BPIFC: variants seen among roughly 807,000 people sequenced by gnomAD.
BPIFC encodes BPI fold containing family C.
BPIFC carries 60 observed loss-of-function variants against 57.6 expected under a neutral mutation model. The observed-to-expected ratio is 1.04, with a 90% CI of 0.85 to 1.29. The LOEUF (loss-of-function observed/expected upper bound fraction) is 1.29. Among genes scored for constraint, BPIFC ranks in the 50% most tolerant of loss-of-function variants. BPIFC has a pLI of 0.00. For synonymous variants in BPIFC, 243 were observed against 224.5 expected (o/e 1.08, Z -0.74); for missense variants, 581 against 600.5 (o/e 0.97, Z 0.34).
chr22:32,415,261 A>T (rs1036494399), intron 16 of BPIFC, among the ~76,000 whole-genome samples: 1 of 152,176 alleles, frequency 6.6e-6, no homozygotes, highest in Admixed American at 6.5e-5. Context: ...CCAGCTGTGC[A>T]ACCAGGTTCC....
chr22:32,432,418 G>A lies in BPIFC; in HGVS notation c.1104C>T (p.Thr368=), dbSNP rs764640606. ...LDIPASIMML[T]QPKNSTVETI... is the part of the protein sequence containing the mutation. ...TTTCAACTGTGGAGTTCTTGGGTTG[G>A]GTGAGCATCATGATGGAGGCAGGGA... is the stretch of plus-strand genomic sequence containing the variant. The change falls in exon 12 of 17, where the codon ACC becomes ACT. Residue 368 remains threonine, a synonymous_variant. Coordinates refer to ENST00000300399, the MANE Select transcript of BPIFC (RefSeq NM_174932.3). The A allele has an allele frequency of 6.2e-7, 1 of 1,614,090 alleles. No individual in the cohort carries two copies. Among genetic ancestry groups the A allele is most frequent in the South Asian group, 1.1e-5 (1 of 91,074 alleles).
At chr22:32,415,192 T>C (rs1337449288) in intron 16 of BPIFC, among the ~76,000 whole-genome samples, 4 of 152,184 alleles carry the variant, frequency 2.6e-5, no homozygotes, top group Non-Finnish European at 5.9e-5. Context: ...CTAATGTTGC[T>C]GCTGATCTGG....
chr22:32,432,692 A>C (rs1420651447), intron 11 of BPIFC, 149 bp from the exon 12 acceptor site: 7 of 752,466 alleles, frequency 9.3e-6, no homozygotes, highest in Non-Finnish European at 1.3e-5. Context: ...TTACACACAA[A>C]AATCAAACGA....
Position 32,432,355 on chromosome 22 carries a change from C to T in BPIFC, c.1149+18G>A. 1 of 1,613,268 alleles carries T rather than the reference C, an allele frequency of 6.2e-7. No homozygotes were observed. Among genetic ancestry groups the T allele is most frequent in the Non-Finnish European group, 8.5e-7 (1 of 1,179,706 alleles). On this transcript the variant is annotated intron_variant, in intron 12 of 16. Coordinates refer to ENST00000300399, the MANE Select transcript of BPIFC (RefSeq NM_174932.3). ...GGATTGGCATCTACAGGCTGCTCCA[C>T]TGTCTCCCCAGACTTACGAAGTCCA... is the stretch of plus-strand genomic sequence containing the variant.
At chr22:32,426,567 T>C (rs76580738) in intron 13 of BPIFC, among the ~76,000 whole-genome samples, 3,870 of 152,320 alleles carry the variant, frequency 0.025, 64 homozygotes, top group Middle Eastern at 0.054. Context: ...AGAAGCCCCC[T>C]GTGCTTGGTT....
intron 13 of BPIFC, among the ~76,000 whole-genome samples, chr22:32,425,143 A>G (rs997422748): frequency 1.1e-4 from 16 of 152,262 alleles, no homozygotes; most frequent in Admixed American, 6.5e-4. Context: ...GTGGTAAGTA[A>G]ATACTCACTG....
chr22:32,419,897 A>G (rs1933793174), intron 13 of BPIFC, among the ~76,000 whole-genome samples: 1 of 152,030 alleles, frequency 6.6e-6, no homozygotes, highest in African/African-American at 2.4e-5. Flanking sequence ...TTCTACCCCT[A>G]TATTTTGCTG....
rs142429275 is a variant in BPIFC, at chr22:32,436,293, C to G, written c.748-413G>C. Among the ~76,000 whole-genome samples, 422 of 145,792 alleles carry G rather than the reference C, an allele frequency of 2.9e-3. 3 individuals carry two copies. The highest frequency in any genetic ancestry group is 2.9e-3 in the Non-Finnish European group (193 of 67,188). ...TCCAGCCTGGGTGACAGAGGGGGAC[C>G]TTGTCCAAAAGAAGAAGAGGAAGAG... is the stretch of plus-strand genomic sequence containing the variant. On this transcript the variant is annotated intron_variant, in intron 9 of 16. Coordinates refer to ENST00000300399, the MANE Select transcript of BPIFC (RefSeq NM_174932.3).
At chr22:32,444,124 C>T (rs1367663063) in intron 7 of BPIFC, among the ~76,000 whole-genome samples, 1 of 152,170 alleles carries the variant, frequency 6.6e-6, no homozygotes, top group Non-Finnish European at 1.5e-5. Flanking sequence ...TAATTATTGG[C>T]TTCTGTGACA....
chr22:32,450,133 CACACACACAT>C (rs1385948667), intron 4 of BPIFC, among the ~76,000 whole-genome samples: 243 of 55,246 alleles, frequency 4.4e-3, no homozygotes, highest in African/African-American at 0.012. Context: ...CACACACACA[CACACACACAT>C]ATATACACAT....
At chr22:32,449,412 G>T (rs949349650) in intron 4 of BPIFC, among the ~76,000 whole-genome samples, 2 of 152,218 alleles carry the variant, frequency 1.3e-5, no homozygotes, top group Non-Finnish European at 2.9e-5. Flanking sequence ...TGTGATAGCT[G>T]ATAAGAAACA....
intron 1 of BPIFC, among the ~76,000 whole-genome samples, chr22:32,463,108 A>G (rs535008460): frequency 6.6e-6 from 1 of 152,224 alleles, no homozygotes; most frequent in Non-Finnish European, 1.5e-5. Flanking sequence ...GCAGGAAAAC[A>G]TATTTTTCCT....
chr22:32,454,679 A>G (rs1422102812), intron 3 of BPIFC, among the ~76,000 whole-genome samples: 1 of 152,184 alleles, frequency 6.6e-6, no homozygotes, highest in Non-Finnish European at 1.5e-5. Flanking sequence ...TTGGGGATGA[A>G]GAAGAGCAGG....
chr22:32,440,163 A>G (rs1207712584), intron 8 of BPIFC, among the ~76,000 whole-genome samples: 1 of 152,076 alleles, frequency 6.6e-6, no homozygotes, highest in East Asian at 1.9e-4. Context: ...ACAAGATCTC[A>G]CTTTGTCACC....
At chr22:32,415,094 CAGG>C (rs1933631022) in intron 16 of BPIFC, among the ~76,000 whole-genome samples, 1 of 152,226 alleles carries the variant, frequency 6.6e-6, no homozygotes, top group African/African-American at 2.4e-5. Context: ...CTCAGATCAT[CAGG>C]CATTAGTTAG....
intron 13 of BPIFC, 109 bp from the exon 14 acceptor site, chr22:32,419,513 A>C (rs1569446540): frequency 1.1e-5 from 13 of 1,153,618 alleles, no homozygotes; most frequent in African/African-American, 1.6e-5. Flanking sequence ...TTTAAAAAAA[A>C]ACACACAAGG....
rs79893186 is a variant in BPIFC, at chr22:32,454,864, T to C, written c.125-1361A>G. ...GTTACATAGCTTCTCTGTCTCTTAC[T>C]TTCTTCATCTATGACAATAGTAACC... On this transcript the variant is annotated intron_variant, in intron 3 of 16. Coordinates refer to ENST00000300399, the MANE Select transcript of BPIFC (RefSeq NM_174932.3). Among the ~76,000 whole-genome samples, 101 of 152,286 alleles carry C rather than the reference T, an allele frequency of 6.6e-4. 1 individual carries two copies. In the East Asian group the frequency reaches 0.017, roughly 25 times the overall value.
chr22:32,422,746 C>T (rs1184388701), intron 13 of BPIFC, among the ~76,000 whole-genome samples: 1 of 151,698 alleles, frequency 6.6e-6, no homozygotes, highest in Non-Finnish European at 1.5e-5. Context: ...AAGAAACCAG[C>T]GTAGGCTAGA....
At chr22:32,453,862 C>A (rs190577443) in intron 3 of BPIFC, among the ~76,000 whole-genome samples, 11 of 152,090 alleles carry the variant, frequency 7.2e-5, no homozygotes, top group Admixed American at 3.9e-4. Flanking sequence ...GCGGGAGGAT[C>A]GCTTGAGCCA....
Sources: gnomAD v4.1 joint callset for allele counts (sites outside exome capture counted in the v4.1 genomes callset) on GRCh38, gnomAD v4.1.1 for gene constraint, MANE v1.5 for transcripts, NCBI Gene and HGNC (gene_info 2026-07-23, HGNC 2026-07-21) for gene names.